The following INKA2 variants were observed in gnomAD, a reference collection of about 807,000 sequenced individuals.
INKA2 encodes the protein inka box actin regulator 2.
INKA2 carries 3 observed loss-of-function variants against 9.8 expected under a neutral mutation model. The ratio of observed to expected loss-of-function variants is 0.31; its 90% CI spans 0.14 to 0.79. The LOEUF (loss-of-function observed/expected upper bound fraction) is 0.79. Ranked by LOEUF, INKA2 falls within the 30% of genes least tolerant of loss-of-function variation. INKA2 has a pLI of 0.62. For missense variants in INKA2, 392 were observed against 384.4 expected, an observed-to-expected ratio of 1.02 and a Z score of -0.17; for synonymous variants, 147 against 143.3, an observed-to-expected ratio of 1.03 and a Z score of -0.18.
In INKA2 at chr1:111,724,597, A is replaced by AC. The variant is rs369917124; in HGVS notation, c.*2370dup. ...CACACACACACACACACACACACAC[A>AC]CACCACCACTACCACCACCACCACC... is the stretch of plus-strand genomic sequence containing the variant. On this transcript the variant is annotated 3_prime_UTR_variant, in exon 2 of 2. Coordinates refer to ENST00000357260, the MANE Select transcript of INKA2 (RefSeq NM_019099.5). The AC allele has an allele frequency of 5.8e-4, 85 of 145,616 alleles. No individual in the cohort carries two copies. The highest frequency in any genetic ancestry group is 2.0e-3 in the African/African-American group (75 of 38,002). The allele number at this position is 145,616 out of a possible 1,614,324, so 9.0% of individuals were successfully genotyped here.
At chr1:111,730,844 C>T (rs967783997) in intron 1 of INKA2, among the ~76,000 whole-genome samples, 10 of 152,192 alleles carry the variant, frequency 6.6e-5, no homozygotes, top group Admixed American at 5.2e-4. Flanking sequence ...GCACTTGCTA[C>T]ATACCCATAA....
At chr1:111,738,614 C>G (rs1663059381) in intron 1 of INKA2, among the ~76,000 whole-genome samples, 1 of 152,134 alleles carries the variant, frequency 6.6e-6, no homozygotes, top group South Asian at 2.1e-4. Flanking sequence ...GGCAGACAGC[C>G]GGCCAAGCCT....
At chr1:111,753,693 G>A (rs1347418358) in intron 1 of INKA2, 1 of 152,212 alleles carries the variant, frequency 6.6e-6, no homozygotes, top group African/African-American at 2.4e-5. Context: ...TGAGCAAGAA[G>A]GTGTCAGCCA....
intron 1 of INKA2, among the ~76,000 whole-genome samples, chr1:111,732,472 G>C (rs1185451841): frequency 6.6e-6 from 1 of 151,884 alleles, no homozygotes; most frequent in Non-Finnish European, 1.5e-5. Flanking sequence ...TGCTCTCAGG[G>C]GTCAGCTGAG....
chr1:111,727,103 A>G lies in INKA2; in HGVS notation c.759T>C (p.Leu253=). Residue 253 remains leucine (L), a synonymous_variant, in exon 2 of 2, where the codon CTT becomes CTC. Transcript: ENST00000357260. ...GRSQKVKKRS[L]SKGSGHFPFP... is the part of the protein sequence containing the mutation. ...AGGGGAAATGTCCAGAGCCCTTGGAAAGGCTCCGCTTCTTGACCTTCTGTG... is the reference window on the plus strand; with the variant it reads ...AGGGGAAATGTCCAGAGCCCTTGGAGAGGCTCCGCTTCTTGACCTTCTGTG... 1.9e-6 allele frequency: 3 copies of G among 1,614,186 alleles called. No homozygotes were observed. The highest frequency in any genetic ancestry group is 2.5e-6 in the Non-Finnish European group (3 of 1,180,040).
chr1:111,740,971 T>TAAAAAAAAAAAA (rs869221820), upstream of INKA2, among the ~76,000 whole-genome samples: 2 of 38,384 alleles, frequency 5.2e-5, 1 homozygote. Flanking sequence ...AAACTCCGTT[T>TAAAAAAAAAAAA]AAAAAAAAAA....
chr1:111,745,289 A>ATT lies in INKA2; in HGVS notation n.124+10411_124+10412insAA, dbSNP rs1381242388. ...ATTATATATATATATATATATATATATATATTTTTTTTTTTTTTTTTTTTT... is the reference window on the plus strand; with the variant it reads ...ATTATATATATATATATATATATATATTTATATTTTTTTTTTTTTTTTTTTTT... On this transcript the variant is annotated intron_variant and non_coding_transcript_variant, in intron 1 of 1. Coordinates refer to the INKA2 transcript ENST00000444059. The ATT allele has an allele frequency of 3.1e-3, 161 of 52,666 alleles. 1 individual carries two copies. Among genetic ancestry groups the ATT allele is most frequent in the Non-Finnish European group, 4.3e-3 (126 of 29,354 alleles). 3.3% of individuals were successfully genotyped at this position (52,666 alleles called of 1,614,324 possible).
chr1:111,730,551 A>T (rs550818579), intron 1 of INKA2, among the ~76,000 whole-genome samples: 2 of 152,142 alleles, frequency 1.3e-5, no homozygotes, highest in East Asian at 3.9e-4. Context: ...TCAAATCCAA[A>T]CTATTTGGTC....
Position 111,722,888 on chromosome 1 carries a change from G to C in INKA2, c.*4080C>G, listed in dbSNP as rs1662678691. The C allele has an allele frequency of 1.8e-6, 1 of 554,742 alleles. No individual in the cohort carries two copies. The allele number at this position is 554,742 out of a possible 1,614,324, so 34.4% of individuals were successfully genotyped here. On this transcript the variant is annotated 3_prime_UTR_variant, in exon 2 of 2. Coordinates refer to ENST00000357260, the MANE Select transcript of INKA2 (RefSeq NM_019099.5). ...TAAGGGGATGGGTTGTCCAGTATCT[G>C]CTGAGCTTCTGCTGTATTCCAGGCA...
upstream of INKA2, chr1:111,739,904 C>T (rs973206610): frequency 6.6e-6 from 1 of 152,298 alleles, no homozygotes; most frequent in Non-Finnish European, 1.5e-5. Context: ...CAGCCCTGCC[C>T]TCGCGGGCGG....
chr1:111,749,560 C>T (rs1021336061), intron 1 of INKA2, among the ~76,000 whole-genome samples: 2 of 152,212 alleles, frequency 1.3e-5, no homozygotes, highest in Non-Finnish European at 2.9e-5. Context: ...CCTCTCTTTT[C>T]AGGAAGTGGG....
At position 111,725,729 on chromosome 1, in the gene INKA2, G is replaced by GT. The variant is rs10610613; in HGVS notation, c.*1238dup. 0.076 allele frequency: 13,337 copies of GT among 175,238 alleles called. 601 individuals are homozygous for GT. The highest frequency in any genetic ancestry group is 0.13 in the African/African-American group (5,607 of 42,030). The allele number at this position is 175,238 out of a possible 1,614,324, so 10.9% of individuals were successfully genotyped here. ...TGTGGGGTATGGGGCCCTACGAACT[G>GT]TTTTTTTTTATTTTTTTTGAGACAG... On this transcript the variant is annotated 3_prime_UTR_variant, in exon 2 of 2. Coordinates refer to ENST00000357260, the MANE Select transcript of INKA2 (RefSeq NM_019099.5).
intron 1 of INKA2, among the ~76,000 whole-genome samples, chr1:111,730,107 T>G (rs975312409): frequency 6.6e-6 from 1 of 152,214 alleles, no homozygotes. Flanking sequence ...GCACATGTTG[T>G]TGACAGCCCC....
rs1197314121 is a variant in INKA2 at position 111,727,636 on chromosome 1, G to A, written c.226C>T (p.His76Tyr). The change falls in exon 2 of 2, where the codon CAC becomes TAC. Residue 76 changes from histidine (H) to tyrosine (Y), a missense_variant. Transcript: ENST00000357260. The stretch of plus-strand genomic sequence containing the variant: ...CCTCTGCCACCCTCCCAACAAGGGT[G>A]CTCGCACTGGGTCCTGGGACCTTCA... ...SPEGPRTQCE[H>Y]PCWEGGRGPA... 1 of 1,608,198 alleles carries A rather than the reference G, an allele frequency of 6.2e-7. No individual in the cohort carries two copies. The highest frequency in any genetic ancestry group is 2.2e-5 in the East Asian group (1 of 44,868).
chr1:111,749,339 C>T (rs548716979), intron 1 of INKA2, among the ~76,000 whole-genome samples: 14 of 152,210 alleles, frequency 9.2e-5, no homozygotes, highest in Admixed American at 7.8e-4. Context: ...GTGGAAGCTG[C>T]AGTGACAAGA....
Position 111,724,403 on chromosome 1 carries a change from C to T in INKA2, c.*2565G>A, listed in dbSNP as rs917667712. The T allele has an allele frequency of 1.3e-5, 2 of 152,200 alleles. No individual in the cohort carries two copies. The highest frequency in any genetic ancestry group is 4.8e-5 in the African/African-American group (2 of 41,418). 9.4% of individuals were successfully genotyped at this position (152,200 alleles called of 1,614,324 possible). On this transcript the variant is annotated 3_prime_UTR_variant, in exon 2 of 2. Transcript: ENST00000357260. ...AAACACGTGAGTTATAGGTGAATGT[C>T]CAAGAAGTACCTTGGTTTCCCACAG...
upstream of INKA2, among the ~76,000 whole-genome samples, chr1:111,743,667 G>GCTAGCTGTAAGCAAGGAC (rs1663198745): frequency 6.6e-6 from 1 of 152,236 alleles, no homozygotes. Flanking sequence ...CCCGAGTGAG[G>GCTAGCTGTAAGCAAGGAC]CAGTATCCAG....
chr1:111,753,371 G>A (rs1319107476), intron 1 of INKA2: 4 of 152,102 alleles, frequency 2.6e-5, no homozygotes, highest in Non-Finnish European at 4.4e-5. Context: ...GTTATTAAAT[G>A]ATTTCTTGCT....
At chr1:111,738,800 C>A (rs1329593031) in intron 1 of INKA2, among the ~76,000 whole-genome samples, 3 of 152,128 alleles carry the variant, frequency 2.0e-5, no homozygotes, top group Non-Finnish European at 4.4e-5. Context: ...CCCAGGCGCC[C>A]GCGTCCCGCT....
Sources: allele counts gnomAD v4.1 joint callset (sites outside exome capture counted in the v4.1 genomes callset), GRCh38; gene constraint gnomAD v4.1.1; transcripts MANE v1.5; gene names NCBI Gene and HGNC (gene_info 2026-07-23, HGNC 2026-07-21).